The following OPN3 variants were observed in gnomAD, a reference collection of about 807,000 sequenced individuals.
The protein encoded by OPN3 is opsin-3.
Under a neutral mutation model 33.8 loss-of-function variants are expected in OPN3, and 29 were observed. The ratio of observed to expected loss-of-function variants is 0.86; its 90% CI spans 0.64 to 1.17. OPN3 has a LOEUF of 1.17. OPN3 is among the 50% of genes most tolerant of loss of function. The pLI is 0.00. For missense variants in OPN3, 437 were observed against 514.1 expected, an observed-to-expected ratio of 0.85 and a Z score of 1.45; for synonymous variants, 216 against 216.1, an observed-to-expected ratio of 1.00 and a Z score of 0.00.
chr1:241,640,355 T>C lies in OPN3; in HGVS notation c.-101A>G. The C allele has an allele frequency of 9.5e-7, 1 of 1,055,654 alleles. No individual in the cohort carries two copies. Among genetic ancestry groups the C allele is most frequent in the Non-Finnish European group, 1.1e-6 (1 of 876,850 alleles). The allele number at this position is 1,055,654 out of a possible 1,614,324, so 65.4% of individuals were successfully genotyped here. A position where few individuals can be genotyped will look rare whatever the true frequency, so the allele number is the denominator to read the frequency against. On this transcript the variant is annotated 5_prime_UTR_variant, in exon 1 of 4. Transcript: ENST00000366554. ...GGGGTTGGGGCTCCGCCGCCTGCTCTAGCCATTGTGCACTGAGGGGCCCGC... is the reference window on the plus strand; with the variant it reads ...GGGGTTGGGGCTCCGCCGCCTGCTCCAGCCATTGTGCACTGAGGGGCCCGC...
chr1:241,606,884 T>G (rs1467755838), intron 1 of OPN3, among the ~76,000 whole-genome samples: 1 of 152,204 alleles, frequency 6.6e-6, no homozygotes, highest in Admixed American at 6.5e-5. Flanking sequence ...GAAATAGCTC[T>G]GTAACTTTCA....
intron 1 of OPN3, chr1:241,636,199 TC>T (rs1664890873): frequency 2.5e-6 from 1 of 396,592 alleles, no homozygotes; most frequent in South Asian, 1.4e-4. Flanking sequence ...CTAAAGCATG[TC>T]TTAAATGCTT....
chr1:241,635,705 G>C, intron 1 of OPN3: 1 of 1,613,994 alleles, frequency 6.2e-7, no homozygotes, highest in Non-Finnish European at 8.5e-7. Flanking sequence ...TGCAAGGATG[G>C]ATTCGGGCAA....
chr1:241,625,452 C>A (rs759848821), intron 1 of OPN3, among the ~76,000 whole-genome samples: 3 of 152,032 alleles, frequency 2.0e-5, no homozygotes, highest in South Asian at 2.1e-4. Flanking sequence ...GAAAGATTAC[C>A]TCTCATTTCT....
chr1:241,594,327 G>C lies in OPN3; in HGVS notation c.*101C>G. ...ATTTCCTGCTGGACCACAAGGTTCTGTTGATATTACATAGAACGGGTATTC... is the reference window on the plus strand; with the variant it reads ...ATTTCCTGCTGGACCACAAGGTTCTCTTGATATTACATAGAACGGGTATTC... On this transcript the variant is annotated 3_prime_UTR_variant, in exon 4 of 4. Coordinates refer to ENST00000366554, the MANE Select transcript of OPN3 (RefSeq NM_014322.3). 1 of 1,302,694 alleles carries C rather than the reference G, an allele frequency of 7.7e-7. No homozygotes were observed. Among genetic ancestry groups the C allele is most frequent in the South Asian group, 1.4e-5 (1 of 71,676 alleles). 80.7% of individuals were successfully genotyped at this position (1,302,694 alleles called of 1,614,324 possible).
At chr1:241,624,965 G>A (rs1664374567) in intron 1 of OPN3, among the ~76,000 whole-genome samples, 1 of 152,140 alleles carries the variant, frequency 6.6e-6, no homozygotes, top group African/African-American at 2.4e-5. Flanking sequence ...GTTTTTATGA[G>A]GATAACATAA....
Position 241,594,467 on chromosome 1 carries a change from A to G in OPN3, c.1170T>C (p.Asn390=). 6.2e-7 allele frequency: 1 copy of G among 1,614,096 alleles called. No individual in the cohort carries two copies. The highest frequency in any genetic ancestry group is 1.7e-5 in the Admixed American group (1 of 60,006). ...CTTGGATTACATCAACTTTGGACCC[A>G]TTGGTTTTGTCGCTGTCGTCAACTG... ...SLSVDDSDKT[N]GSKVDVIQVR... is the part of the protein sequence containing the mutation. The change falls in exon 4 of 4, where the codon AAT becomes AAC. Residue 390 remains asparagine, a synonymous_variant. Coordinates refer to ENST00000366554, the MANE Select transcript of OPN3 (RefSeq NM_014322.3).
In OPN3 at chr1:241,593,530, G is replaced by T; in HGVS notation, c.*898C>A. ...CTAATAATCCATGTTCAGTTTGTAG[G>T]GAAAGAAAAAATAATTTTTCCTTCT... On this transcript the variant is annotated 3_prime_UTR_variant, in exon 4 of 4. Coordinates refer to ENST00000366554, the MANE Select transcript of OPN3 (RefSeq NM_014322.3). 1 of 255,872 alleles carries T rather than the reference G, an allele frequency of 3.9e-6. No homozygotes were observed. Among genetic ancestry groups the T allele is most frequent in the East Asian group, 8.4e-5 (1 of 11,946 alleles). The allele number at this position is 255,872 out of a possible 1,614,324, so 15.9% of individuals were successfully genotyped here.
chr1:241,616,753 A>T (rs988003840), intron 1 of OPN3, among the ~76,000 whole-genome samples: 6 of 152,220 alleles, frequency 3.9e-5, no homozygotes, highest in African/African-American at 1.4e-4. Context: ...GCTTAGAAAT[A>T]GCCACAGTTG....
chr1:241,636,659 T>A (rs1188902615), intron 1 of OPN3, among the ~76,000 whole-genome samples: 1 of 152,230 alleles, frequency 6.6e-6, no homozygotes, highest in Non-Finnish European at 1.5e-5. Context: ...TAAAAATATT[T>A]AGGCTCATAA....
intron 1 of OPN3, among the ~76,000 whole-genome samples, chr1:241,607,733 GGGAA>G (rs34499017): frequency 0.17 from 22,838 of 134,988 alleles, 1,950 homozygotes; most frequent in East Asian, 0.28. Context: ...AGAGAAAGGA[GGGAA>G]GGAAGGAAGG....
intron 1 of OPN3, chr1:241,635,833 A>G: frequency 6.8e-7 from 1 of 1,470,616 alleles, no homozygotes; most frequent in Non-Finnish European, 9.2e-7. Context: ...ATGCTGTAAT[A>G]AAATCTGTCC....
intron 3 of OPN3, among the ~76,000 whole-genome samples, chr1:241,596,856 G>A (rs959904245): frequency 1.3e-5 from 2 of 152,134 alleles, no homozygotes; most frequent in Non-Finnish European, 2.9e-5. Context: ...ACAGGGTCTC[G>A]CTCTGTCGCC....
At chr1:241,637,413 C>CT (rs1328876017) in intron 1 of OPN3, among the ~76,000 whole-genome samples, 1 of 152,188 alleles carries the variant, frequency 6.6e-6, no homozygotes, top group Non-Finnish European at 1.5e-5. Flanking sequence ...AAGCCAGGAA[C>CT]TAAGTACAGA....
At chr1:241,598,919 TA>T (rs1194811285) in intron 2 of OPN3, among the ~76,000 whole-genome samples, 1 of 152,194 alleles carries the variant, frequency 6.6e-6, no homozygotes, top group African/African-American at 2.4e-5. Context: ...TAATACTTAG[TA>T]TTGATTACTT....
At chr1:241,634,356 C>G (rs368722099) in intron 1 of OPN3, 1 of 1,613,988 alleles carries the variant, frequency 6.2e-7, no homozygotes. Context: ...GTCTGCTGAT[C>G]TAAATCTGTC....
At chr1:241,603,734 A>G (rs562795544) in intron 2 of OPN3, among the ~76,000 whole-genome samples, 2 of 152,344 alleles carry the variant, frequency 1.3e-5, no homozygotes, top group South Asian at 4.1e-4. Flanking sequence ...GGAAACATCC[A>G]TGGCCAAAGC....
chr1:241,598,025 G>C, intron 2 of OPN3, 28 bp from the exon 3 acceptor site: 8 of 1,599,492 alleles, frequency 5.0e-6, no homozygotes, highest in Non-Finnish European at 6.8e-6. Context: ...AAAGGAAAGG[G>C]CTTAAAAAAC....
chr1:241,639,846 G>C, intron 1 of OPN3, 36 bp downstream of exon 1: 1 of 1,466,800 alleles, frequency 6.8e-7, no homozygotes, highest in Non-Finnish European at 9.1e-7. Flanking sequence ...GTGGAAGTTT[G>C]CAGAGGGGAG....
Sources: gnomAD v4.1 joint callset for allele counts (sites outside exome capture counted in the v4.1 genomes callset) on GRCh38, gnomAD v4.1.1 for gene constraint, MANE v1.5 for transcripts, NCBI Gene and HGNC (gene_info 2026-07-23, HGNC 2026-07-21) for gene names.